AKAP12: variants seen among roughly 807,000 people sequenced by gnomAD.
AKAP12 encodes the protein A-kinase anchor protein 12.
Under a neutral mutation model 79.9 loss-of-function variants are expected in AKAP12, and 32 were observed. The ratio of observed to expected loss-of-function variants is 0.40; its 90% CI spans 0.30 to 0.54. The LOEUF (loss-of-function observed/expected upper bound fraction) is 0.54, where lower values mean the gene tolerates loss of function less well. Ranked by LOEUF, AKAP12 falls within the 20% of genes least tolerant of loss-of-function variation. The probability of loss-of-function intolerance (pLI) is 0.48; values close to 1 mark genes in which losing one functional copy is unlikely to be tolerated. For synonymous variants in AKAP12, 808 were observed against 857.0 expected (o/e 0.94, Z 1.00); for missense variants, 2,074 against 2,177.0 (o/e 0.95, Z 0.94).
intron 2 of AKAP12, among the ~76,000 whole-genome samples, chr6:151,294,035 G>A (rs921581988): frequency 1.6e-4 from 24 of 151,584 alleles, no homozygotes; most frequent in Non-Finnish European, 2.9e-4. Context: ...GCACAGGGGC[G>A]CAATCTCGAC....
intron 2 of AKAP12, among the ~76,000 whole-genome samples, chr6:151,288,276 A>G (rs1032249896): frequency 6.6e-6 from 1 of 152,068 alleles, no homozygotes; most frequent in East Asian, 1.9e-4. Flanking sequence ...ACACTTTGGA[A>G]AGCCGAGGTG....
At chr6:151,271,615 C>T (rs116577310) in intron 2 of AKAP12, among the ~76,000 whole-genome samples, 7,003 of 152,042 alleles carry the variant, frequency 0.046, 177 homozygotes, top group Middle Eastern at 0.089. Context: ...AGCCACTACA[C>T]GCCCCCAGCC....
At chr6:151,249,456 G>T (rs1250489527) in intron 2 of AKAP12, among the ~76,000 whole-genome samples, 1 of 152,198 alleles carries the variant, frequency 6.6e-6, no homozygotes, top group Non-Finnish European at 1.5e-5. Context: ...CTGGGTTACA[G>T]GGTGAGCCAC....
intron 3 of AKAP12, among the ~76,000 whole-genome samples, chr6:151,328,367 G>A (rs1303332114): frequency 6.7e-6 from 1 of 149,146 alleles, no homozygotes; most frequent in Non-Finnish European, 1.5e-5. Flanking sequence ...GGCCGGGCGC[G>A]GCGGCTCACG....
chr6:151,331,090 C>T (rs1777654541), intron 3 of AKAP12, among the ~76,000 whole-genome samples: 1 of 152,172 alleles, frequency 6.6e-6, no homozygotes, highest in Non-Finnish European at 1.5e-5. Flanking sequence ...GGTAACAACA[C>T]CTCAGTGTGA....
intron 3 of AKAP12, chr6:151,325,637 G>A (rs1054255223): frequency 2.9e-6 from 4 of 1,387,406 alleles, no homozygotes; most frequent in Non-Finnish European, 3.7e-6. Context: ...GTGGGTGGGG[G>A]TCCGCCTATA....
intron 3 of AKAP12, among the ~76,000 whole-genome samples, chr6:151,320,543 T>C (rs1428990369): frequency 6.6e-6 from 1 of 152,172 alleles, no homozygotes; most frequent in Non-Finnish European, 1.5e-5. Flanking sequence ...CCCAGGGTCC[T>C]TTTTCAGATT....
intron 3 of AKAP12, among the ~76,000 whole-genome samples, chr6:151,328,682 C>G (rs1305862909): frequency 6.6e-6 from 1 of 151,350 alleles, no homozygotes; most frequent in African/African-American, 2.4e-5. Flanking sequence ...TTAATGAAAT[C>G]TTAAAGGTCT....
intron 2 of AKAP12, among the ~76,000 whole-genome samples, chr6:151,269,882 C>G (rs1776145586): frequency 6.6e-6 from 1 of 152,166 alleles, no homozygotes. Flanking sequence ...CTGCATTTCC[C>G]ACTCCCCTCA....
At chr6:151,289,522 T>C (rs149361896) in intron 2 of AKAP12, among the ~76,000 whole-genome samples, 6 of 152,356 alleles carry the variant, frequency 3.9e-5, no homozygotes, top group East Asian at 1.9e-4. Context: ...GTGGTTTCCA[T>C]AGGGCTTTGC....
At chr6:151,255,534 A>G (rs1582835757) in intron 2 of AKAP12, among the ~76,000 whole-genome samples, 1 of 151,962 alleles carries the variant, frequency 6.6e-6, no homozygotes, top group Non-Finnish European at 1.5e-5. Flanking sequence ...GTAGTGGCTC[A>G]TGCCTGTAAT....
chr6:151,342,685 A>G (rs975471815), intron 3 of AKAP12, among the ~76,000 whole-genome samples: 7 of 152,238 alleles, frequency 4.6e-5, no homozygotes, highest in Non-Finnish European at 2.9e-5. Flanking sequence ...ACATTTTATT[A>G]TGTGTTCAAC....
chr6:151,262,301 C>G (rs1797454914), intron 2 of AKAP12, among the ~76,000 whole-genome samples: 1 of 152,164 alleles, frequency 6.6e-6, no homozygotes, highest in Non-Finnish European at 1.5e-5. Context: ...GCTACACGTT[C>G]TTCTTCTGTT....
intron 3 of AKAP12, among the ~76,000 whole-genome samples, chr6:151,327,118 ATT>A (rs71922297): frequency 7.8e-5 from 11 of 141,000 alleles, no homozygotes; most frequent in Non-Finnish European, 9.3e-5. Flanking sequence ...CCTGGCCTAC[ATT>A]TTTTTTTTTT....
chr6:151,293,957 G>A lies in AKAP12; in HGVS notation c.163-11790G>A, dbSNP rs79011355. Among the ~76,000 whole-genome samples, 988 of 151,406 alleles carry A rather than the reference G, an allele frequency of 6.5e-3. 15 individuals carry two copies. The highest frequency in any genetic ancestry group is 0.023 in the African/African-American group (947 of 41,268). On this transcript the variant is annotated intron_variant, in intron 2 of 4. Transcript: ENST00000402676. Reference sequence around the variant, plus strand: ...GGAAAAAAAGAATAAAATTCTTCAGGTTCAACCTTGGAGTTCTTCTTCTTT... The same window carrying A: ...GGAAAAAAAGAATAAAATTCTTCAGATTCAACCTTGGAGTTCTTCTTCTTT...
At chr6:151,317,503 G>T (rs368482249) in intron 3 of AKAP12, among the ~76,000 whole-genome samples, 1 of 152,172 alleles carries the variant, frequency 6.6e-6, no homozygotes, top group South Asian at 2.1e-4. Flanking sequence ...ACAGGAATGT[G>T]CTTGATGGAA....
intron 2 of AKAP12, among the ~76,000 whole-genome samples, chr6:151,252,732 G>GGAAAAAA (rs1357356762): frequency 5.2e-5 from 5 of 95,814 alleles, no homozygotes; most frequent in South Asian, 7.2e-4. Flanking sequence ...CTGTCTCTGG[G>GGAAAAAA]AAAAAAAAAA....
At chr6:151,325,512 A>G (rs1359679057) in intron 3 of AKAP12, 2 of 985,082 alleles carry the variant, frequency 2.0e-6, no homozygotes, top group Non-Finnish European at 2.4e-6. Context: ...TTTAAGGTGA[A>G]GCACGTGACC....
At chr6:151,329,486 T>A (rs1478800825) in intron 3 of AKAP12, among the ~76,000 whole-genome samples, 1 of 152,170 alleles carries the variant, frequency 6.6e-6, no homozygotes, top group East Asian at 1.9e-4. Flanking sequence ...TATTGATACA[T>A]TGCAAACTGT....
Sources: allele counts gnomAD v4.1 joint callset (sites outside exome capture counted in the v4.1 genomes callset), GRCh38; gene constraint gnomAD v4.1.1; transcripts MANE v1.5; gene names NCBI Gene and HGNC (gene_info 2026-07-23, HGNC 2026-07-21).